COL4A5: variants seen among roughly 807,000 people sequenced by gnomAD.
COL4A5 encodes collagen type IV alpha 5 chain.
Under a neutral mutation model 130.2 loss-of-function variants are expected in COL4A5, and 26 were observed. The ratio of observed to expected loss-of-function variants is 0.20; its 90% CI spans 0.15 to 0.28. The LOEUF (loss-of-function observed/expected upper bound fraction) is 0.28. COL4A5 is among the 10% of genes least tolerant of loss of function. The pLI, the probability that COL4A5 is intolerant of heterozygous loss-of-function variation, is 1.00. For synonymous variants in COL4A5, 496 were observed against 439.6 expected, an observed-to-expected ratio of 1.13 and a Z score of -1.60; for missense variants, 1,131 against 1,344.3, an observed-to-expected ratio of 0.84 and a Z score of 2.48.
chrX:108,460,656 A>ATT (rs751991149), intron 1 of COL4A5, among the ~76,000 whole-genome samples: 2,380 of 39,419 alleles, frequency 0.06, 300 homozygotes, highest in African/African-American at 0.1. Context: ...CGCCTGGCAA[A>ATT]TTTTTTTTTT....
rs1433460318 is a variant in COL4A5 at position 108,598,754 on chromosome X, C to T, written c.1832C>T (p.Pro611Leu). The T allele has an allele frequency of 3.3e-6, 4 of 1,210,347 alleles. No individual in the cohort carries two copies. Among genetic ancestry groups the T allele is most frequent in the Non-Finnish European group, 4.5e-6 (4 of 894,725 alleles). ...ERGPPGNPGL[P>L]GLPGNIGPMG... ...GGTCCCCCTGGGAACCCAGGTTTAC[C>T]AGGCCTCCCAGGGAATATAGGGCCT... Residue 611 changes from proline to leucine, a missense_variant, in exon 25 of 53, where the codon CCA (proline) becomes CTA (leucine). Physicochemically the swap from Pro to Leu is moderately conservative, Grantham distance 98. Coordinates refer to ENST00000328300, the MANE Select transcript of COL4A5 (RefSeq NM_033380.3).
At chrX:108,467,691 T>C (rs761693489) in intron 1 of COL4A5, among the ~76,000 whole-genome samples, 93 of 111,958 alleles carry the variant, frequency 8.3e-4, no homozygotes, top group African/African-American at 2.9e-3. Flanking sequence ...TTTTCTAGTT[T>C]TCTGTGTACA....
intron 2 of COL4A5, among the ~76,000 whole-genome samples, chrX:108,551,442 A>C (rs2065750902): frequency 8.9e-6 from 1 of 112,224 alleles, no homozygotes; most frequent in Admixed American, 9.5e-5. Context: ...TGCAAATTAA[A>C]GTCATAATGA....
rs906953918 is a variant in COL4A5, at chrX:108,580,487, A to G, written c.781-46A>G. ...GCTCTAGTGCTTAGAATGAAAATGC[A>G]TGTTCCAGTATTAACATTGATTTCC... On this transcript the variant is annotated intron_variant, in intron 13 of 52. Coordinates refer to ENST00000328300, the MANE Select transcript of COL4A5 (RefSeq NM_033380.3). 6.6e-6 allele frequency: 7 copies of G among 1,054,315 alleles called. No homozygotes were observed. The Admixed American group carries it at 1.3e-4, about 20-fold the overall frequency. 86.9% of individuals were successfully genotyped at this position (1,054,315 alleles called of 1,213,427 possible).
intron 4 of COL4A5, among the ~76,000 whole-genome samples, chrX:108,566,671 C>A (rs761863622): frequency 2.7e-5 from 3 of 110,671 alleles, no homozygotes; most frequent in African/African-American, 9.9e-5. Flanking sequence ...GCCTCAGCCT[C>A]CCGAGTAGCT....
chrX:108,526,526 TTC>T (rs1205190049), intron 1 of COL4A5, among the ~76,000 whole-genome samples: 3 of 107,247 alleles, frequency 2.8e-5, no homozygotes, highest in Non-Finnish European at 5.8e-5. Flanking sequence ...CCTTCTTTCT[TTC>T]TTTCTCTCGC....
intron 21 of COL4A5, among the ~76,000 whole-genome samples, chrX:108,591,848 T>C (rs2066442279): frequency 9.0e-6 from 1 of 111,240 alleles, no homozygotes; most frequent in Non-Finnish European, 1.9e-5. Flanking sequence ...TCTAGCTTAC[T>C]ACCTCTAGTA....
intron 49 of COL4A5, chrX:108,689,561 C>T (rs1448851013): frequency 1.3e-5 from 10 of 752,780 alleles, no homozygotes; most frequent in Non-Finnish European, 1.6e-5. Flanking sequence ...AAGGCCATGA[C>T]GGAGCCCAAG....
rs756142410 is a variant in COL4A5 at position 108,598,749 on chromosome X, T to A, written c.1827T>A (p.Gly609=). 7 of 1,209,137 alleles carry A rather than the reference T, an allele frequency of 5.8e-6. No homozygotes were observed. The African/African-American group carries it at 1.2e-4, about 21-fold the overall frequency. ...AAAGAGGTCCCCCTGGGAACCCAGG[T>A]TTACCAGGCCTCCCAGGGAATATAG... is the stretch of plus-strand genomic sequence containing the variant. The part of the protein sequence containing the change: ...KGERGPPGNP[G]LPGLPGNIGP... Residue 609 remains glycine, a synonymous_variant, in exon 25 of 53, where the codon GGT becomes GGA. Transcript: ENST00000328300.
intron 22 of COL4A5, 23 bp from the exon 23 acceptor site, chrX:108,596,975 T>G (rs746948089): frequency 1.4e-5 from 16 of 1,149,708 alleles, no homozygotes; most frequent in African/African-American, 1.3e-4. Flanking sequence ...GTGTGTGTGT[T>G]TGTTTGTGTG....
chrX:108,529,368 T>C (rs2065356602), intron 1 of COL4A5, among the ~76,000 whole-genome samples: 1 of 110,556 alleles, frequency 9.0e-6, no homozygotes, highest in African/African-American at 3.3e-5. Context: ...TGAAAGAACA[T>C]GAAAGTATAA....
At chrX:108,448,610 A>G (rs2064477362) in intron 1 of COL4A5, among the ~76,000 whole-genome samples, 1 of 111,849 alleles carries the variant, frequency 8.9e-6, no homozygotes, top group South Asian at 3.7e-4. Context: ...TTCTCTGTCC[A>G]TATTCTCACA....
intron 3 of COL4A5, among the ~76,000 whole-genome samples, chrX:108,560,959 T>C (rs1275655685): frequency 9.0e-6 from 1 of 111,361 alleles, no homozygotes; most frequent in Non-Finnish European, 1.9e-5. Context: ...CATATGTCCC[T>C]TTTCCCAGAT....
At chrX:108,626,575 T>G (rs1159769380) in intron 36 of COL4A5, 1 of 1,124,884 alleles carries the variant, frequency 8.9e-7, no homozygotes, top group Non-Finnish European at 1.2e-6. Flanking sequence ...TTTGTTTTTC[T>G]TCTATCTTAA....
chrX:108,443,951 T>A (rs1251149773), intron 1 of COL4A5, among the ~76,000 whole-genome samples: 1 of 112,383 alleles, frequency 8.9e-6, no homozygotes, highest in Non-Finnish European at 1.9e-5. Flanking sequence ...TATTAATTGA[T>A]TGAATTATAC....
chrX:108,622,842 A>G lies in COL4A5; in HGVS notation c.2917+17A>G. 1.7e-6 allele frequency: 2 copies of G among 1,187,493 alleles called. No individual in the cohort carries two copies. The highest frequency in any genetic ancestry group is 2.3e-6 in the Non-Finnish European group (2 of 879,206). The stretch of plus-strand genomic sequence containing the variant: ...GCTTACCAGGTGAGTGAATGAATTT[A>G]TTTATGAATATTTTTCCTGATATAT... On this transcript the variant is annotated intron_variant, in intron 33 of 52. Coordinates refer to ENST00000328300, the MANE Select transcript of COL4A5 (RefSeq NM_033380.3).
At chrX:108,513,172 A>T (rs758265737) in intron 1 of COL4A5, among the ~76,000 whole-genome samples, 1 of 111,420 alleles carries the variant, frequency 9.0e-6, no homozygotes, top group South Asian at 3.8e-4. Context: ...GGGAAGGTGT[A>T]TGCTTAGTTT....
rs1429534741 is a variant in COL4A5, at chrX:108,444,227, T to G, written c.81+4021T>G. ...GTTCCAGACTCTTTTTTTTTTCTTT[T>G]TTTTTTTGAGATGGAGTCTTGCTCT... On this transcript the variant is annotated intron_variant, in intron 1 of 52. Coordinates refer to ENST00000328300, the MANE Select transcript of COL4A5 (RefSeq NM_033380.3). Among the ~76,000 whole-genome samples the G allele has an allele frequency of 5.6e-5, 6 of 108,043 alleles. 1 individual carries two copies. Among genetic ancestry groups the G allele is most frequent in the African/African-American group, 2.0e-4 (6 of 29,651 alleles). 93.8% of individuals were successfully genotyped at this position (108,043 alleles called of 115,157 possible).
chrX:108,578,072 C>T lies in COL4A5; in HGVS notation c.646-6C>T, dbSNP rs200151467. 6.0e-5 allele frequency: 72 copies of T among 1,207,888 alleles called. No individual in the cohort carries two copies. Among genetic ancestry groups the T allele is most frequent in the Middle Eastern group, 2.3e-4 (1 of 4,347 alleles). On this transcript the variant is annotated splice_region_variant and splice_polypyrimidine_tract_variant and intron_variant, in intron 11 of 52. Transcript: ENST00000328300. ...GAGATTTTTAAATGGAAACTTCTCTCTCCAGGGGAATATGGGCTTAAATTT... is the reference window on the plus strand; with the variant it reads ...GAGATTTTTAAATGGAAACTTCTCTTTCCAGGGGAATATGGGCTTAAATTT...
Sources: gnomAD v4.1 joint callset for allele counts (sites outside exome capture counted in the v4.1 genomes callset) on GRCh38, gnomAD v4.1.1 for gene constraint, MANE v1.5 for transcripts, NCBI Gene and HGNC (gene_info 2026-07-23, HGNC 2026-07-21) for gene names.